Variants in DCBLD1 observed in about 807,000 individuals in gnomAD.
The protein encoded by DCBLD1 is discoidin, CUB and LCCL domain-containing protein 1.
DCBLD1 carries 57 observed loss-of-function variants against 71.5 expected under a neutral mutation model. The ratio of observed to expected loss-of-function variants is 0.80; its 90% CI spans 0.64 to 0.99. DCBLD1 has a LOEUF of 0.99. Ranked by LOEUF, DCBLD1 falls within the 50% of genes least tolerant of loss-of-function variation. The pLI is 0.00. For synonymous variants in DCBLD1, 380 were observed against 363.8 expected (o/e 1.04, Z -0.51); for missense variants, 891 against 923.5 (o/e 0.96, Z 0.46).
intron 1 of DCBLD1, among the ~76,000 whole-genome samples, chr6:117,490,292 T>C (rs915777986): frequency 6.6e-6 from 1 of 152,230 alleles, no homozygotes; most frequent in Non-Finnish European, 1.5e-5. Context: ...TATATTCTGA[T>C]TTTTTAAATC....
At chr6:117,563,917 T>G (rs898119162) in intron 14 of DCBLD1, among the ~76,000 whole-genome samples, 6 of 151,894 alleles carry the variant, frequency 4.0e-5, no homozygotes, top group Admixed American at 3.9e-4. Context: ...TTAAAAATAC[T>G]ATATTGGGCT....
At chr6:117,482,974 CCGAGGGCTACGGGG>C in intron 1 of DCBLD1, 81 bp downstream of exon 1, 1 of 594,408 alleles carries the variant, frequency 1.7e-6, no homozygotes, top group Non-Finnish European at 2.0e-6. Flanking sequence ...CCGGGCCGGG[CCGAGGGCTACGGGG>C]CGGGCCGGGC....
At chr6:117,566,971 C>A (rs115242892) in intron 14 of DCBLD1, 4 of 1,609,872 alleles carry the variant, frequency 2.5e-6, no homozygotes, top group East Asian at 2.2e-5. Context: ...TCATACTCTA[C>A]GTTTTCATCA....
At chr6:117,502,619 C>T (rs1004188767) in intron 1 of DCBLD1, among the ~76,000 whole-genome samples, 3 of 152,146 alleles carry the variant, frequency 2.0e-5, no homozygotes, top group African/African-American at 7.2e-5. Flanking sequence ...CACAGTATAC[C>T]CAAGGTGAGG....
At chr6:117,564,067 T>G (rs1779644423) in intron 14 of DCBLD1, among the ~76,000 whole-genome samples, 1 of 151,442 alleles carries the variant, frequency 6.6e-6, no homozygotes. Flanking sequence ...TGCCTTGACC[T>G]CCTAGGCTCA....
At chr6:117,539,919 A>T (rs1047467830) in intron 9 of DCBLD1, 4 of 152,150 alleles carry the variant, frequency 2.6e-5, no homozygotes, top group Non-Finnish European at 5.9e-5. Flanking sequence ...AAAAATACAA[A>T]AATTAGCCAG....
Position 117,532,310 on chromosome 6 carries a change from A to G in DCBLD1, c.636A>G (p.Glu212=). ...AAIHAGIIAD[E]LGGQISVLQR... Reference sequence around the variant, plus strand: ...TCCATGCAGGAATAATTGCTGATGAACTAGGTGGCCAGATCAGTGTGCTTC... The same window carrying G: ...TCCATGCAGGAATAATTGCTGATGAGCTAGGTGGCCAGATCAGTGTGCTTC... Residue 212 remains glutamate, a synonymous_variant, in exon 6 of 15, where the codon GAA becomes GAG. Coordinates refer to ENST00000338728, the MANE Select transcript of DCBLD1 (RefSeq NM_001366458.2). 1 of 1,613,764 alleles carries G rather than the reference A, an allele frequency of 6.2e-7. No individual in the cohort carries two copies.
chr6:117,547,748 G>A, intron 14 of DCBLD1, 159 bp from the exon 15 acceptor site: 3 of 1,502,340 alleles, frequency 2.0e-6, no homozygotes, highest in Non-Finnish European at 2.7e-6. Flanking sequence ...GGTGGCTTCT[G>A]TGGCTTTCAC....
intron 2 of DCBLD1, among the ~76,000 whole-genome samples, chr6:117,518,934 ATTC>A (rs1428704154): frequency 6.6e-6 from 1 of 152,024 alleles, no homozygotes; most frequent in African/African-American, 2.4e-5. Flanking sequence ...TTTTTCTTTT[ATTC>A]TTCTTCCTTC....
At position 117,515,383 on chromosome 6, in the gene DCBLD1, A is replaced by T. The variant is rs78869354; in HGVS notation, c.326-4433A>T. On this transcript the variant is annotated intron_variant, in intron 2 of 14. Transcript: ENST00000338728. ...AGAAATTTAAGGAGAGATTACTATC[A>T]TCATCACCATTTGGGGAGGGGTGTA... is the stretch of plus-strand genomic sequence containing the variant. Among the ~76,000 whole-genome samples, 167 of 152,306 alleles carry T rather than the reference A, an allele frequency of 1.1e-3. 4 individuals are homozygous for T. The East Asian group carries it at 0.027, about 24-fold the overall frequency.
At chr6:117,511,800 T>A (rs943683356) in intron 2 of DCBLD1, among the ~76,000 whole-genome samples, 4 of 152,092 alleles carry the variant, frequency 2.6e-5, no homozygotes, top group African/African-American at 9.7e-5. Context: ...GAAGGAAAAA[T>A]TTTTATGGCT....
rs1779361050 is a variant in DCBLD1 at position 117,548,647 on chromosome 6, C to T, written c.*208C>T. The T allele has an allele frequency of 2.8e-6, 4 of 1,413,572 alleles. No individual in the cohort carries two copies. The highest frequency in any genetic ancestry group is 3.7e-6 in the Non-Finnish European group (4 of 1,089,420). 87.6% of individuals were successfully genotyped at this position (1,413,572 alleles called of 1,614,324 possible). A position where few individuals can be genotyped will look rare whatever the true frequency, so the allele number is the denominator to read the frequency against. ...TGGTTTCGTGCTGACCCTTAGGGTG[C>T]GTCTGTTGGGTTTTGTTGGGCTAGA... On this transcript the variant is annotated 3_prime_UTR_variant, in exon 15 of 15. Transcript: ENST00000338728.
At chr6:117,558,441 TTAA>T (rs946984150) in intron 14 of DCBLD1, among the ~76,000 whole-genome samples, 7 of 152,316 alleles carry the variant, frequency 4.6e-5, no homozygotes, top group African/African-American at 1.7e-4. Context: ...TTTTTCCAAT[TTAA>T]TAATTTTTTC....
intron 1 of DCBLD1, among the ~76,000 whole-genome samples, chr6:117,502,343 C>A (rs1392580434): frequency 6.6e-6 from 1 of 152,206 alleles, no homozygotes; most frequent in African/African-American, 2.4e-5. Flanking sequence ...CCAATTCAGC[C>A]CTCTGTCAGG....
downstream of DCBLD1, among the ~76,000 whole-genome samples, chr6:117,551,914 C>T (rs1400480054): frequency 6.6e-6 from 1 of 152,016 alleles, no homozygotes; most frequent in Non-Finnish European, 1.5e-5. Flanking sequence ...AGCTTGAGCC[C>T]AGAAGTTTGG....
chr6:117,529,064 C>T (rs1438736855), intron 5 of DCBLD1, among the ~76,000 whole-genome samples: 1 of 152,098 alleles, frequency 6.6e-6, no homozygotes, highest in Non-Finnish European at 1.5e-5. Context: ...ATGGTCTCGA[C>T]CTCCTGACCT....
chr6:117,568,593 C>A (rs1012243499), intron 14 of DCBLD1, among the ~76,000 whole-genome samples: 1 of 152,260 alleles, frequency 6.6e-6, no homozygotes, highest in Non-Finnish European at 1.5e-5. Context: ...CTCTTGTCAG[C>A]TAATGCTTTA....
rs770715074 is a variant in DCBLD1, at chr6:117,549,752, A to G, written c.*1313A>G. ...AAATGGTTTACTTTGTAGAGTTTAC[A>G]TGGTTTTATGCGCACACTAATTGTA... On this transcript the variant is annotated 3_prime_UTR_variant, in exon 15 of 15. Transcript: ENST00000338728. The G allele has an allele frequency of 9.1e-6, 9 of 985,434 alleles. No individual in the cohort carries two copies. The highest frequency in any genetic ancestry group is 9.6e-6 in the Non-Finnish European group (8 of 829,950). 61.0% of individuals were successfully genotyped at this position (985,434 alleles called of 1,614,324 possible).
At chr6:117,532,715 A>G (rs1205583210) in intron 6 of DCBLD1, among the ~76,000 whole-genome samples, 1 of 152,178 alleles carries the variant, frequency 6.6e-6, no homozygotes, top group African/African-American at 2.4e-5. Context: ...TACAGCTTCT[A>G]TAAGTTACTG....
Sources: gnomAD v4.1 joint callset for allele counts (sites outside exome capture counted in the v4.1 genomes callset) on GRCh38, gnomAD v4.1.1 for gene constraint, MANE v1.5 for transcripts, NCBI Gene and HGNC (gene_info 2026-07-23, HGNC 2026-07-21) for gene names.